Variants in ARHGAP26 observed in about 807,000 individuals in gnomAD.
ARHGAP26 encodes the protein Rho GTPase activating protein 26, also known as rho GTPase-activating protein 26.
A neutral mutation model predicts 104.8 loss-of-function variants in ARHGAP26; 38 were observed. That is an observed-to-expected ratio of 0.36 (90% CI 0.28 to 0.48). ARHGAP26 has a LOEUF of 0.48. Among genes scored for constraint, ARHGAP26 ranks in the 20% least tolerant of loss-of-function variants. The probability of loss-of-function intolerance (pLI) is 0.99; values close to 1 mark genes in which losing one functional copy is unlikely to be tolerated. For missense variants in ARHGAP26, 704 were observed against 947.9 expected, an observed-to-expected ratio of 0.74 and a Z score of 3.38; for synonymous variants, 341 against 340.0, an observed-to-expected ratio of 1.00 and a Z score of -0.03.
chr5:142,845,129 G>A lies in ARHGAP26; in HGVS notation c.155-28271G>A, dbSNP rs900638279. ...TGCAGCTCTTGAGGGAGGCTGCTACGAGAGCAGGGAAAATCAGTCTTTCTC... is the reference window on the plus strand; with the variant it reads ...TGCAGCTCTTGAGGGAGGCTGCTACAAGAGCAGGGAAAATCAGTCTTTCTC... On this transcript the variant is annotated intron_variant, in intron 1 of 22. Transcript: ENST00000645722. Among the ~76,000 whole-genome samples, 4 of 152,298 alleles carry A rather than the reference G, an allele frequency of 2.6e-5. No individual in the cohort carries two copies. In the South Asian group the frequency reaches 8.3e-4, roughly 32 times the overall value.
chr5:143,105,301 C>T (rs766583340), intron 17 of ARHGAP26, among the ~76,000 whole-genome samples: 7 of 151,840 alleles, frequency 4.6e-5, no homozygotes, highest in South Asian at 2.1e-4. Flanking sequence ...CGCTTGAACC[C>T]GGGAGGCGGA....
chr5:143,216,611 G>T, intron 22 of ARHGAP26: 1 of 239,408 alleles, frequency 4.2e-6, no homozygotes, highest in South Asian at 5.1e-5. Flanking sequence ...TATAGGTATT[G>T]TTGAGAGCAG....
At chr5:142,865,277 A>G (rs1245209794) in intron 1 of ARHGAP26, among the ~76,000 whole-genome samples, 1 of 152,146 alleles carries the variant, frequency 6.6e-6, no homozygotes, top group Admixed American at 6.6e-5. Context: ...AGCACCTACT[A>G]TGTGACTTGC....
intron 14 of ARHGAP26, among the ~76,000 whole-genome samples, chr5:143,049,507 G>C (rs1784685499): frequency 6.6e-6 from 1 of 151,864 alleles, no homozygotes; most frequent in Admixed American, 6.6e-5. Flanking sequence ...ATATTTTTAG[G>C]ATTTTACTTA....
chr5:142,919,526 G>A, intron 10 of ARHGAP26: 1 of 397,604 alleles, frequency 2.5e-6, no homozygotes, highest in South Asian at 1.4e-4. Context: ...CAATGAAGCA[G>A]CACTCATGCA....
intron 17 of ARHGAP26, among the ~76,000 whole-genome samples, chr5:143,068,961 A>G (rs1237213359): frequency 3.3e-5 from 5 of 152,104 alleles, no homozygotes; most frequent in Non-Finnish European, 7.4e-5. Flanking sequence ...CTCCTTGATA[A>G]GCTTTCTTCA....
intron 10 of ARHGAP26, among the ~76,000 whole-genome samples, chr5:142,924,320 G>C (rs1292650255): frequency 2.0e-5 from 3 of 152,064 alleles, no homozygotes; most frequent in African/African-American, 4.8e-5. Flanking sequence ...ACATGCACAG[G>C]GGGGCAGTAC....
chr5:142,909,126 C>T (rs916680667), intron 9 of ARHGAP26, among the ~76,000 whole-genome samples: 2 of 151,962 alleles, frequency 1.3e-5, no homozygotes, highest in African/African-American at 4.8e-5. Context: ...CTTTGAGTTT[C>T]GCCTCCTTCC....
intron 18 of ARHGAP26, among the ~76,000 whole-genome samples, chr5:143,123,632 A>T (rs933638938): frequency 1.3e-5 from 2 of 152,206 alleles, no homozygotes; most frequent in Non-Finnish European, 2.9e-5. Flanking sequence ...TGGGAGGATC[A>T]TTTGAAGCCA....
At chr5:142,963,650 T>C (rs252222) in intron 11 of ARHGAP26, among the ~76,000 whole-genome samples, 73,151 of 152,024 alleles carry the variant, frequency 0.48, 21,690 homozygotes, top group East Asian at 0.91. Flanking sequence ...ATGTCACCTG[T>C]GCCTTCTCAG....
At chr5:142,839,744 T>G (rs1770372161) in intron 1 of ARHGAP26, among the ~76,000 whole-genome samples, 1 of 152,202 alleles carries the variant, frequency 6.6e-6, no homozygotes, top group South Asian at 2.1e-4. Flanking sequence ...TTTCATTCTC[T>G]GTGCAAATGA....
intron 7 of ARHGAP26, among the ~76,000 whole-genome samples, chr5:142,903,240 A>T (rs1371953436): frequency 6.6e-6 from 1 of 152,208 alleles, no homozygotes; most frequent in Non-Finnish European, 1.5e-5. Context: ...TGGGAGGCTT[A>T]TCGTAAAACA....
At chr5:143,089,268 T>A (rs1257328016) in intron 17 of ARHGAP26, among the ~76,000 whole-genome samples, 1 of 152,216 alleles carries the variant, frequency 6.6e-6, no homozygotes, top group Non-Finnish European at 1.5e-5. Flanking sequence ...GTGCCATTTT[T>A]ATGAGCCTCT....
intron 1 of ARHGAP26, chr5:142,771,422 A>G (rs2151784553): frequency 8.1e-7 from 1 of 1,231,770 alleles, no homozygotes; most frequent in East Asian, 3.2e-5. Context: ...CAGCCTAGTC[A>G]GGCCGCCGGG....
intron 17 of ARHGAP26, among the ~76,000 whole-genome samples, chr5:143,114,626 C>T (rs940392051): frequency 2.0e-5 from 3 of 152,136 alleles, no homozygotes; most frequent in African/African-American, 7.2e-5. Flanking sequence ...ATATTGACTG[C>T]AGCTTAGTTA....
At chr5:142,788,802 C>G (rs942565388) in intron 1 of ARHGAP26, among the ~76,000 whole-genome samples, 1 of 151,504 alleles carries the variant, frequency 6.6e-6, no homozygotes, top group Non-Finnish European at 1.5e-5. Context: ...GGAACCAATG[C>G]CCCACAGATA....
chr5:142,966,411 G>A (rs1378850192), intron 11 of ARHGAP26, among the ~76,000 whole-genome samples: 1 of 152,158 alleles, frequency 6.6e-6, no homozygotes, highest in Non-Finnish European at 1.5e-5. Flanking sequence ...GGCCTGTGAA[G>A]TGCAATTAAG....
chr5:143,030,511 G>A (rs1014633254), intron 12 of ARHGAP26, among the ~76,000 whole-genome samples: 10 of 152,186 alleles, frequency 6.6e-5, no homozygotes, highest in African/African-American at 2.2e-4. Flanking sequence ...CTTGGGCTTC[G>A]CTGCTAGGTG....
chr5:143,181,419 C>T (rs1006069247), intron 20 of ARHGAP26, among the ~76,000 whole-genome samples: 3 of 152,216 alleles, frequency 2.0e-5, no homozygotes, highest in Non-Finnish European at 2.9e-5. Context: ...CTTCAGAAAG[C>T]CTTTCCTGCT....
Sources: allele counts gnomAD v4.1 joint callset (sites outside exome capture counted in the v4.1 genomes callset), GRCh38; gene constraint gnomAD v4.1.1; transcripts MANE v1.5; gene names NCBI Gene and HGNC (gene_info 2026-07-23, HGNC 2026-07-21).